Variants in GPNMB observed in about 807,000 individuals in gnomAD.
GPNMB encodes glycoprotein nmb, also known as transmembrane glycoprotein NMB.
GPNMB carries 71 observed loss-of-function variants against 57.3 expected under a neutral mutation model. The observed-to-expected ratio is 1.24, with a 90% CI of 1.02 to 1.51. GPNMB has a LOEUF of 1.51. GPNMB is among the 40% of genes most tolerant of loss of function. GPNMB has a pLI of 0.00. For missense variants in GPNMB, 677 were observed against 691.9 expected (o/e 0.98, Z 0.24); for synonymous variants, 253 against 263.2 (o/e 0.96, Z 0.38).
At chr7:23,262,487 C>G (rs952471895) in intron 6 of GPNMB, among the ~76,000 whole-genome samples, 1 of 151,316 alleles carries the variant, frequency 6.6e-6, no homozygotes, top group Non-Finnish European at 1.5e-5. Context: ...TGCTCTTTTT[C>G]TAATTTAACA....
chr7:23,254,944 G>T (rs944016144), intron 3 of GPNMB, among the ~76,000 whole-genome samples: 1 of 152,284 alleles, frequency 6.6e-6, no homozygotes, highest in East Asian at 1.9e-4. Flanking sequence ...GCCGAGGCAG[G>T]TGTATCACCT....
At chr7:23,260,976 C>T (rs1441662414) in intron 6 of GPNMB, among the ~76,000 whole-genome samples, 1 of 152,174 alleles carries the variant, frequency 6.6e-6, no homozygotes, top group Non-Finnish European at 1.5e-5. Flanking sequence ...TATGTAAAGT[C>T]ACTTTGCAAA....
intron 4 of GPNMB, among the ~76,000 whole-genome samples, chr7:23,258,391 G>A (rs1782832068): frequency 6.6e-6 from 1 of 152,104 alleles, no homozygotes; most frequent in Admixed American, 6.5e-5. Context: ...TAAATCAATT[G>A]CCTTAAAGCT....
At chr7:23,269,006 C>T (rs1783134898) in intron 8 of GPNMB, among the ~76,000 whole-genome samples, 1 of 152,190 alleles carries the variant, frequency 6.6e-6, no homozygotes. Context: ...CAGCTCCACC[C>T]CTGGCTGCTT....
chr7:23,250,628 T>G (rs2128480759), intron 1 of GPNMB: 1 of 152,290 alleles, frequency 6.6e-6, no homozygotes, highest in East Asian at 1.9e-4. Flanking sequence ...CTCTCTTCTA[T>G]TCCATTGACC....
chr7:23,260,352 T>C (rs1482670881), intron 5 of GPNMB, 104 bp from the exon 6 acceptor site: 2 of 1,083,030 alleles, frequency 1.8e-6, no homozygotes, highest in African/African-American at 3.2e-5. Flanking sequence ...TAATGCTAAA[T>C]TATCCCTCAT....
chr7:23,260,837 C>T, intron 6 of GPNMB, 64 bp downstream of exon 6: 1 of 1,233,842 alleles, frequency 8.1e-7, no homozygotes, highest in Non-Finnish European at 1.1e-6. Context: ...TCACGCAGGT[C>T]ATATTATTAA....
chr7:23,270,163 G>T lies in GPNMB; in HGVS notation c.1417G>T (p.Val473Phe). ...GGCTCTCACGAGCACCCTGATTTCTGTTCCTGACAGAGGTGAGTTTTGTTT... is the reference window on the plus strand; with the variant it reads ...GGCTCTCACGAGCACCCTGATTTCTTTTCCTGACAGAGGTGAGTTTTGTTT... ...SLALTSTLIS[V>F]PDRDPASPLR... The change falls in exon 9 of 11, where the codon GTT becomes TTT. Residue 473 changes from valine (V) to phenylalanine (F), a missense_variant. Val to Phe is a conservative substitution (Grantham distance 50). Coordinates refer to ENST00000258733, the MANE Select transcript of GPNMB (RefSeq NM_002510.3). 6.2e-7 allele frequency: 1 copy of T among 1,613,794 alleles called. No individual in the cohort carries two copies. The highest frequency in any genetic ancestry group is 8.5e-7 in the Non-Finnish European group (1 of 1,179,696).
intron 6 of GPNMB, among the ~76,000 whole-genome samples, chr7:23,264,499 A>G (rs1399023938): frequency 6.6e-6 from 1 of 151,836 alleles, no homozygotes; most frequent in Non-Finnish European, 1.5e-5. Flanking sequence ...CGGCCTCCCT[A>G]GTAGCCAGCA....
At chr7:23,267,851 T>A (rs1422789954) in intron 7 of GPNMB, 35 bp from the exon 8 acceptor site, 1 of 1,300,024 alleles carries the variant, frequency 7.7e-7, no homozygotes, top group Admixed American at 1.7e-5. Flanking sequence ...TCTGTTGTAT[T>A]TTGATGTGTT....
intron 3 of GPNMB, 43 bp from the exon 4 acceptor site, chr7:23,256,849 T>G: frequency 6.4e-7 from 1 of 1,557,642 alleles, no homozygotes. Flanking sequence ...TTGGGTTTTC[T>G]GAGCCTAGAT....
At chr7:23,261,522 A>G (rs554019499) in intron 6 of GPNMB, among the ~76,000 whole-genome samples, 76 of 152,342 alleles carry the variant, frequency 5.0e-4, no homozygotes, top group African/African-American at 1.6e-3. Flanking sequence ...TGAGCAAACT[A>G]TCACAAGGAC....
At chr7:23,261,166 TC>T (rs1782913475) in intron 6 of GPNMB, among the ~76,000 whole-genome samples, 1 of 151,928 alleles carries the variant, frequency 6.6e-6, no homozygotes, top group South Asian at 2.1e-4. Flanking sequence ...TTCCTTCCTC[TC>T]CCCCACTAAT....
intron 1 of GPNMB, among the ~76,000 whole-genome samples, chr7:23,249,335 T>C (rs76485137): frequency 0.034 from 5,112 of 152,300 alleles, 244 homozygotes; most frequent in East Asian, 0.12. Context: ...CCCAGTGGTA[T>C]CATCATGCAA....
At position 23,260,004 on chromosome 7, in the gene GPNMB, G is replaced by T; in HGVS notation, c.566G>T (p.Arg189Leu). The T allele has an allele frequency of 6.2e-7, 1 of 1,614,068 alleles. No individual in the cohort carries two copies. Among genetic ancestry groups the T allele is most frequent in the Admixed American group, 1.7e-5 (1 of 60,016 alleles). Residue 189 changes from arginine to leucine, a missense_variant, in exon 5 of 11, where the codon CGA becomes CTA. Physicochemically the swap from Arg to Leu is moderately radical, Grantham distance 102. Transcript: ENST00000258733. The part of the protein sequence containing the change: ...TLGQYFQKLG[R>L]CSVRVSVNTA... ...GGTCAGTATTTCCAGAAATTGGGACGATGTTCAGTGAGAGTTTCTGTGAAC... is the reference window on the plus strand; with the variant it reads ...GGTCAGTATTTCCAGAAATTGGGACTATGTTCAGTGAGAGTTTCTGTGAAC...
chr7:23,254,347 C>T lies in GPNMB; in HGVS notation c.367+35C>T, dbSNP rs767402208. 4 of 1,571,546 alleles carry T rather than the reference C, an allele frequency of 2.5e-6. No individual in the cohort carries two copies. The East Asian group carries it at 6.7e-5, about 26-fold the overall frequency. ...CAGTATTCTCCTAAACTACTGGAGA[C>T]CCAGTTTCTAAACCTTAATGATCAC... On this transcript the variant is annotated intron_variant, in intron 3 of 10. Coordinates refer to ENST00000258733, the MANE Select transcript of GPNMB (RefSeq NM_002510.3).
At chr7:23,248,204 G>C (rs1782580687) in intron 1 of GPNMB, among the ~76,000 whole-genome samples, 1 of 152,324 alleles carries the variant, frequency 6.6e-6, no homozygotes, top group Non-Finnish European at 1.5e-5. Context: ...TGGCGTGAGA[G>C]ACGTGCATGG....
At position 23,274,088 on chromosome 7, in the gene GPNMB, T is replaced by A. The variant is rs893987705; in HGVS notation, c.1547T>A (p.Ile516Lys). The A allele has an allele frequency of 6.2e-7, 1 of 1,612,208 alleles. No individual in the cohort carries two copies. Among genetic ancestry groups the A allele is most frequent in the South Asian group, 1.1e-5 (1 of 90,772 alleles). The stretch of plus-strand genomic sequence containing the variant: ...AGAAAACACAAGGAATACAACCCAA[T>A]AGAAAATAGTCCTGGGAATGTGGTC... ...VYKKHKEYNP[I>K]ENSPGNVVRS... The change falls in exon 11 of 11, where the codon ATA becomes AAA. Residue 516 changes from isoleucine to lysine, a missense_variant. By Grantham distance (102) the Ile-to-Lys change is moderately radical. Transcript: ENST00000258733.
In GPNMB at chr7:23,270,077, G is replaced by C; in HGVS notation, c.1331G>C (p.Arg444Pro). The C allele has an allele frequency of 6.2e-7, 1 of 1,614,040 alleles. No homozygotes were observed. The highest frequency in any genetic ancestry group is 1.3e-5 in the African/African-American group (1 of 75,000). The change falls in exon 9 of 11, where the codon CGA becomes CCA. Residue 444 changes from arginine (R) to proline (P), a missense_variant. Transcript: ENST00000258733. ...GAGATGTGTCTGCTGACTGTGAGAC[G>C]AACCTTCAATGGGTCTGGGACGTAC... ...VDEMCLLTVRRTFNGSGTYCV... is the reference protein window; with the variant it reads ...VDEMCLLTVRPTFNGSGTYCV...
Sources: allele counts gnomAD v4.1 joint callset (sites outside exome capture counted in the v4.1 genomes callset), GRCh38; gene constraint gnomAD v4.1.1; transcripts MANE v1.5; gene names NCBI Gene and HGNC (gene_info 2026-07-23, HGNC 2026-07-21).